The following PLXDC2 variants were observed in gnomAD, a reference collection of about 807,000 sequenced individuals.
PLXDC2 encodes the protein plexin domain containing 2, also known as plexin domain-containing protein 2.
A neutral mutation model predicts 68.9 loss-of-function variants in PLXDC2; 40 were observed. That is an observed-to-expected ratio of 0.58 (90% CI 0.45 to 0.76). The LOEUF is 0.76. Among genes scored for constraint, PLXDC2 ranks in the 30% least tolerant of loss-of-function variants. The probability of loss-of-function intolerance (pLI) is 0.00; values close to 1 mark genes in which losing one functional copy is unlikely to be tolerated. For missense variants in PLXDC2, 644 were observed against 661.9 expected (o/e 0.97, Z 0.30); for synonymous variants, 243 against 234.2 (o/e 1.04, Z -0.34).
intron 1 of PLXDC2, among the ~76,000 whole-genome samples, chr10:19,903,481 C>A (rs1472657180): frequency 1.3e-5 from 2 of 151,764 alleles, no homozygotes; most frequent in Non-Finnish European, 2.9e-5. Flanking sequence ...CTCACAGTAC[C>A]CTTGAATAAT....
chr10:20,184,321 C>T (rs531876660), intron 9 of PLXDC2, among the ~76,000 whole-genome samples: 87 of 148,980 alleles, frequency 5.8e-4, no homozygotes, highest in Non-Finnish European at 1.1e-3. Context: ...CAGTGTTATA[C>T]TTGTTTTATG....
At chr10:20,231,276 A>AAT (rs1276656785) in intron 12 of PLXDC2, among the ~76,000 whole-genome samples, 2 of 149,948 alleles carry the variant, frequency 1.3e-5, no homozygotes, top group African/African-American at 4.9e-5. Context: ...AATATATACA[A>AAT]ATATATATAA....
chr10:19,884,070 T>C (rs1258451774), intron 1 of PLXDC2, among the ~76,000 whole-genome samples: 1 of 150,336 alleles, frequency 6.7e-6, no homozygotes, highest in Non-Finnish European at 1.5e-5. Flanking sequence ...TTTTGTATTT[T>C]TTTTTTTGTA....
At chr10:19,906,474 C>A (rs941937032) in intron 1 of PLXDC2, among the ~76,000 whole-genome samples, 1 of 152,140 alleles carries the variant, frequency 6.6e-6, no homozygotes, top group Non-Finnish European at 1.5e-5. Context: ...AGTGTGAATA[C>A]TTTTAGTGGA....
intron 13 of PLXDC2, among the ~76,000 whole-genome samples, chr10:20,251,120 T>C (rs1328538147): frequency 2.0e-5 from 3 of 152,196 alleles, no homozygotes; most frequent in Non-Finnish European, 2.9e-5. Flanking sequence ...AAACATTCCA[T>C]TTCTATTCAG....
intron 12 of PLXDC2, among the ~76,000 whole-genome samples, chr10:20,234,321 A>G (rs1835404051): frequency 6.6e-6 from 1 of 152,086 alleles, no homozygotes; most frequent in Non-Finnish European, 1.5e-5. Flanking sequence ...CCTCAACTAA[A>G]CGTGTTCTGT....
chr10:19,857,938 A>G (rs1316541361), intron 1 of PLXDC2, among the ~76,000 whole-genome samples: 3 of 152,162 alleles, frequency 2.0e-5, no homozygotes, highest in Admixed American at 6.5e-5. Context: ...TTTTAAATAT[A>G]TTTGTTGGGA....
At chr10:20,012,715 CT>C (rs1835141330) in intron 2 of PLXDC2, among the ~76,000 whole-genome samples, 2 of 152,100 alleles carry the variant, frequency 1.3e-5, no homozygotes, top group Admixed American at 1.3e-4. Flanking sequence ...ACATGTCACT[CT>C]ATGAACTATT....
intron 1 of PLXDC2, among the ~76,000 whole-genome samples, chr10:19,830,151 G>A (rs897992882): frequency 1.4e-4 from 21 of 152,170 alleles, no homozygotes; most frequent in African/African-American, 3.4e-4. Flanking sequence ...TGCATAAATA[G>A]CTTTCCACCT....
intron 2 of PLXDC2, among the ~76,000 whole-genome samples, chr10:20,009,506 A>C (rs1049523315): frequency 3.3e-5 from 5 of 152,044 alleles, no homozygotes; most frequent in East Asian, 3.9e-4. Context: ...TTGGACCTCC[A>C]AGTGTATTGA....
intron 4 of PLXDC2, among the ~76,000 whole-genome samples, chr10:20,087,476 T>C (rs1049937826): frequency 6.6e-6 from 1 of 152,168 alleles, no homozygotes; most frequent in Non-Finnish European, 1.5e-5. Context: ...CCACGGAGAG[T>C]AACTTCCAGC....
At chr10:19,824,234 T>C (rs538463508) in intron 1 of PLXDC2, among the ~76,000 whole-genome samples, 1 of 152,042 alleles carries the variant, frequency 6.6e-6, no homozygotes, top group South Asian at 2.1e-4. Context: ...TACCTAGGAG[T>C]TTTACCATTT....
Position 20,191,672 on chromosome 10 carries a change from G to T in PLXDC2, c.1061+14263G>T, listed in dbSNP as rs1391509553. On this transcript the variant is annotated intron_variant, in intron 9 of 13. Coordinates refer to ENST00000377252, the MANE Select transcript of PLXDC2 (RefSeq NM_032812.9). ...TCATTGTTGTGGGGTGGAGGGAGGG[G>T]GGAGGGATAGCATTAGGAGATACAC... Among the ~76,000 whole-genome samples the T allele has an allele frequency of 2.0e-5, 3 of 150,168 alleles. No individual in the cohort carries two copies. The South Asian group carries it at 6.5e-4, about 32-fold the overall frequency.
chr10:20,188,077 G>C (rs1038426680), intron 9 of PLXDC2, among the ~76,000 whole-genome samples: 2 of 151,314 alleles, frequency 1.3e-5, no homozygotes, highest in Non-Finnish European at 3.0e-5. Flanking sequence ...TATTTGACTC[G>C]TTTCCCCCCA....
At chr10:20,082,050 A>AAAAAC (rs1398730528) in intron 4 of PLXDC2, among the ~76,000 whole-genome samples, 1 of 141,966 alleles carries the variant, frequency 7.0e-6, no homozygotes, top group Non-Finnish European at 1.5e-5. Context: ...CATCTGAAAA[A>AAAAAC]AAAAAAAAAA....
intron 1 of PLXDC2, among the ~76,000 whole-genome samples, chr10:19,858,644 G>T (rs954885528): frequency 6.6e-6 from 1 of 152,152 alleles, no homozygotes; most frequent in Non-Finnish European, 1.5e-5. Context: ...GTTTAATTGA[G>T]GGTGCAAGGT....
intron 12 of PLXDC2, among the ~76,000 whole-genome samples, chr10:20,236,001 G>A (rs1835427459): frequency 6.6e-6 from 1 of 152,106 alleles, no homozygotes; most frequent in Admixed American, 6.6e-5. Context: ...TCTTAACCAT[G>A]CAAAGGCTTG....
chr10:20,044,005 A>G (rs1835731120), intron 2 of PLXDC2, among the ~76,000 whole-genome samples: 1 of 151,974 alleles, frequency 6.6e-6, no homozygotes, highest in Non-Finnish European at 1.5e-5. Context: ...GTGATTTAAC[A>G]ATAGAAAAAG....
At chr10:19,909,854 A>G (rs913343938) in intron 1 of PLXDC2, among the ~76,000 whole-genome samples, 3 of 152,146 alleles carry the variant, frequency 2.0e-5, no homozygotes, top group African/African-American at 7.2e-5. Context: ...CTAGATGTCA[A>G]ATGCTGTAGG....
Sources: allele counts gnomAD v4.1 joint callset (sites outside exome capture counted in the v4.1 genomes callset), GRCh38; gene constraint gnomAD v4.1.1; transcripts MANE v1.5; gene names NCBI Gene and HGNC (gene_info 2026-07-23, HGNC 2026-07-21).